MEAK7: variants seen among roughly 807,000 people sequenced by gnomAD.
MEAK7 encodes MTOR-associated protein MEAK7.
Under a neutral mutation model 40.5 loss-of-function variants are expected in MEAK7, and 68 were observed. The observed-to-expected ratio is 1.68, with a 90% CI of 1.38 to 2.06. MEAK7 has a LOEUF of 2.06. MEAK7 is among the 30% of genes most tolerant of loss of function. MEAK7 has a pLI of 0.00. For missense variants in MEAK7, 918 were observed against 580.5 expected (o/e 1.58, Z -5.98); for synonymous variants, 338 against 231.9 (o/e 1.46, Z -4.16).
chr16:84,482,138 G>C (rs1340129251), intron 6 of MEAK7, among the ~76,000 whole-genome samples: 1 of 152,058 alleles, frequency 6.6e-6, no homozygotes, highest in Non-Finnish European at 1.5e-5. Flanking sequence ...ATGTCACCAA[G>C]CTGAAGCGAG....
rs1461232868 is a variant in MEAK7, at chr16:84,494,340, TTTA to T, written c.384+1340_384+1342del. On this transcript the variant is annotated intron_variant, in intron 3 of 7. Coordinates refer to ENST00000343629, the MANE Select transcript of MEAK7 (RefSeq NM_020947.4). ...ATTCTAGCTTTGACCAGTGTCAATT[TTTA>T]TTATTTTCTACAATTTGGACTGAAC... 2.0e-5 allele frequency among the ~76,000 whole-genome samples: 3 copies of T among 152,328 alleles called. No homozygotes were observed. The East Asian group carries it at 5.8e-4, about 29-fold the overall frequency.
chr16:84,496,342 C>G (rs1914048367), intron 2 of MEAK7, among the ~76,000 whole-genome samples: 1 of 152,166 alleles, frequency 6.6e-6, no homozygotes, highest in African/African-American at 2.4e-5. Context: ...CAGACATCGC[C>G]TCCTCCAGCC....
At chr16:84,481,730 G>C (rs1033689850) in intron 6 of MEAK7, among the ~76,000 whole-genome samples, 1 of 152,104 alleles carries the variant, frequency 6.6e-6, no homozygotes, top group Non-Finnish European at 1.5e-5. Context: ...TCAGGAGATG[G>C]AGACCATCCT....
In MEAK7 at chr16:84,482,680, C is replaced by CA; in HGVS notation, c.988dup (p.Cys330LeufsTer46). On this transcript the variant is annotated frameshift_variant, in exon 6 of 8. Coordinates refer to ENST00000343629, the MANE Select transcript of MEAK7 (RefSeq NM_020947.4). LOFTEE classifies it high-confidence loss of function. ...GTGTGTGTACACAGCCATGCTGGGGCAGATGGAGAACAGGAAGCATCTGTT... is the reference window on the plus strand; with the variant it reads ...GTGTGTGTACACAGCCATGCTGGGGCAAGATGGAGAACAGGAAGCATCTGTT... 6.2e-7 allele frequency: 1 copy of CA among 1,614,198 alleles called. No homozygotes were observed. The highest frequency in any genetic ancestry group is 2.2e-5 in the East Asian group (1 of 44,888).
intron 5 of MEAK7, among the ~76,000 whole-genome samples, chr16:84,484,849 C>G (rs535920643): frequency 1.3e-5 from 2 of 152,186 alleles, no homozygotes; most frequent in African/African-American, 4.8e-5. Flanking sequence ...TGGACACGTA[C>G]TGCAACAGAA....
intron 3 of MEAK7, among the ~76,000 whole-genome samples, chr16:84,491,556 C>A (rs1253381975): frequency 5.6e-4 from 39 of 70,186 alleles, no homozygotes; most frequent in South Asian, 4.5e-3. Context: ...AAAAAAAAAA[C>A]GTCTGGGCAC....
intron 1 of MEAK7, among the ~76,000 whole-genome samples, chr16:84,500,544 A>C (rs1197380216): frequency 1.3e-5 from 2 of 152,096 alleles, no homozygotes; most frequent in Non-Finnish European, 2.9e-5. Context: ...GGAAGTCTCC[A>C]CTGGGGGGCT....
chr16:84,502,502 T>C (rs1914586964), intron 1 of MEAK7, among the ~76,000 whole-genome samples: 1 of 151,510 alleles, frequency 6.6e-6, no homozygotes, highest in African/African-American at 2.4e-5. Context: ...TCGAGGCCAA[T>C]GTAGGGTTGT....
At chr16:84,504,045 A>T in intron 1 of MEAK7, 3 of 985,538 alleles carry the variant, frequency 3.0e-6, no homozygotes, top group Non-Finnish European at 3.6e-6. Flanking sequence ...CCCTTGTGCG[A>T]AGGGGCAGCT....
chr16:84,480,857 G>A lies in MEAK7; in HGVS notation c.1078-149C>T, dbSNP rs928142292. 1.3e-5 allele frequency: 11 copies of A among 878,062 alleles called. No individual in the cohort carries two copies. The African/African-American group carries it at 1.6e-4, about 13-fold the overall frequency. The allele number at this position is 878,062 out of a possible 1,614,324, so 54.4% of individuals were successfully genotyped here. ...TGCCATCATCTTGTTTTCCTTAACTGTGAAATATATCAATTACTGCCATTT... is the reference window on the plus strand; with the variant it reads ...TGCCATCATCTTGTTTTCCTTAACTATGAAATATATCAATTACTGCCATTT... On this transcript the variant is annotated intron_variant, in intron 6 of 7. Transcript: ENST00000343629.
rs1363443610 is a variant in MEAK7, at chr16:84,497,713, G to A, written c.153+221C>T. ...AGGGATGCGTTTAGACACTGTCTATGGCTATTTTCACACAGTAACGGCAGA... is the reference window on the plus strand; with the variant it reads ...AGGGATGCGTTTAGACACTGTCTATAGCTATTTTCACACAGTAACGGCAGA... On this transcript the variant is annotated intron_variant, in intron 2 of 7. Transcript: ENST00000343629. 9 of 1,414,414 alleles carry A rather than the reference G, an allele frequency of 6.4e-6. No homozygotes were observed. The African/African-American group carries it at 9.9e-5, about 16-fold the overall frequency. 87.6% of individuals were successfully genotyped at this position (1,414,414 alleles called of 1,614,324 possible).
At chr16:84,482,244 A>C (rs917545203) in intron 6 of MEAK7, among the ~76,000 whole-genome samples, 1 of 152,206 alleles carries the variant, frequency 6.6e-6, no homozygotes, top group African/African-American at 2.4e-5. Flanking sequence ...ACTCCCACGT[A>C]TGAGGCAGGC....
At chr16:84,499,646 G>A (rs372349445) in intron 1 of MEAK7, among the ~76,000 whole-genome samples, 8 of 152,072 alleles carry the variant, frequency 5.3e-5, no homozygotes, top group African/African-American at 1.7e-4. Context: ...CCCTGTACAC[G>A]AGCAATCTCC....
At position 84,482,594 on chromosome 16, in the gene MEAK7, G is replaced by T; in HGVS notation, c.1075C>A (p.Leu359Met). 6.2e-7 allele frequency: 1 copy of T among 1,614,192 alleles called. No individual in the cohort carries two copies. ...CACCACGCTCTGCCCGGGCTCACCA[G>T]TCCGTTCGGGATCGTCTGCTGTCCA... ...NHGQQTIPNG[L>M]GMGGQHNYFG... Residue 359 changes from leucine (L) to methionine (M), a missense_variant and splice_region_variant, in exon 6 of 8, where the codon CTG becomes ATG. By Grantham distance (15) the Leu-to-Met change is conservative (BLOSUM62 2). Transcript: ENST00000343629.
At position 84,478,931 on chromosome 16, in the gene MEAK7, A is replaced by G. The variant is rs563882012; in HGVS notation, c.*982T>C. 4.1e-4 allele frequency: 63 copies of G among 152,352 alleles called. No individual in the cohort carries two copies. The highest frequency in any genetic ancestry group is 3.4e-3 in the Middle Eastern group (1 of 296). The allele number at this position is 152,352 out of a possible 1,614,324, so 9.4% of individuals were successfully genotyped here. On this transcript the variant is annotated 3_prime_UTR_variant, in exon 8 of 8. Transcript: ENST00000343629. The stretch of plus-strand genomic sequence containing the variant: ...CACTGATTTATGGAATGGACCATAT[A>G]CGTATTTATCAACCAAGTTCCCAAA...
At chr16:84,495,472 C>G in intron 3 of MEAK7, 1 of 578,212 alleles carries the variant, frequency 1.7e-6, no homozygotes, top group Non-Finnish European at 3.1e-6. Flanking sequence ...GCTTTAAGTC[C>G]TGAAGCCCTC....
rs757473660 is a variant in MEAK7, at chr16:84,479,967, G to C, written c.1317C>G (p.Ile439Met). The change falls in exon 8 of 8, where the codon ATC becomes ATG. Residue 439 changes from isoleucine to methionine, a missense_variant. Coordinates refer to ENST00000343629, the MANE Select transcript of MEAK7 (RefSeq NM_020947.4). The part of the protein sequence containing the change: ...ADPEAQALLE[I>M]SGHSRHSEGL... ...CTTCGCTGTGGCGCGAATGCCCACT[G>C]ATCTCCAGCAGGGCCTGGGCCTCAG... The C allele has an allele frequency of 1.9e-6, 3 of 1,609,902 alleles. No individual in the cohort carries two copies. The African/African-American group carries it at 4.0e-5, about 22-fold the overall frequency.
intron 7 of MEAK7, 113 bp from the exon 8 acceptor site, chr16:84,480,139 G>C (rs1001091617): frequency 1.3e-5 from 11 of 826,962 alleles, no homozygotes; most frequent in Admixed American, 3.0e-5. Flanking sequence ...TTCCCCCTAA[G>C]GCCCCTCCCA....
chr16:84,501,151 G>A (rs1039663209), intron 1 of MEAK7, among the ~76,000 whole-genome samples: 9 of 151,124 alleles, frequency 6.0e-5, no homozygotes, highest in Non-Finnish European at 1.3e-4. Context: ...CAAGGGCATG[G>A]GGATGGGTGT....
Sources: allele counts gnomAD v4.1 joint callset (sites outside exome capture counted in the v4.1 genomes callset), GRCh38; gene constraint gnomAD v4.1.1; transcripts MANE v1.5; gene names NCBI Gene and HGNC (gene_info 2026-07-23, HGNC 2026-07-21).